SLC35F4: variants seen among roughly 807,000 people sequenced by gnomAD.
SLC35F4 encodes solute carrier family 35 member F4, also known as chromosome 14 open reading frame 36.
SLC35F4 carries 24 observed loss-of-function variants against 44.2 expected under a neutral mutation model. The observed-to-expected ratio is 0.54, with a 90% CI of 0.39 to 0.76. The LOEUF (loss-of-function observed/expected upper bound fraction) is 0.76. Among genes scored for constraint, SLC35F4 ranks in the 30% least tolerant of loss-of-function variants. The pLI is 0.00. For missense variants in SLC35F4, 562 were observed against 586.1 expected (o/e 0.96, Z 0.42); for synonymous variants, 238 against 223.6 (o/e 1.06, Z -0.57).
chr14:57,602,457 T>C lies in SLC35F4; in HGVS notation c.104-8333A>G, dbSNP rs1369569515. On this transcript the variant is annotated intron_variant, in intron 1 of 7. Transcript: ENST00000556826. ...GAAGTTGTTAATCCAAAATGTAGTC[T>C]TGAAGGGGAGCTGGAATGTCTCCTT... The C allele has an allele frequency of 3.3e-5, 5 of 152,194 alleles. No homozygotes were observed. The East Asian group carries it at 9.6e-4, about 29-fold the overall frequency. 9.4% of individuals were successfully genotyped at this position (152,194 alleles called of 1,614,324 possible). A position where few individuals can be genotyped will look rare whatever the true frequency, so the allele number is the denominator to read the frequency against.
chr14:57,671,257 G>A lies in SLC35F4; in HGVS notation c.104-77133C>T, dbSNP rs546640409. 2.7e-4 allele frequency among the ~76,000 whole-genome samples: 41 copies of A among 152,164 alleles called. 1 individual carries two copies. The highest frequency in any genetic ancestry group is 9.9e-4 in the African/African-American group (41 of 41,454). The stretch of plus-strand genomic sequence containing the variant: ...TGCACAGAATGAGAAGCGGTGGGGA[G>A]CTGGGGCAGCTAAGGGAGTGCTGGC... On this transcript the variant is annotated intron_variant, in intron 1 of 7. Coordinates refer to ENST00000556826, the MANE Select transcript of SLC35F4 (RefSeq NM_001306087.2).
At chr14:57,588,928 T>C (rs1159666043) in intron 3 of SLC35F4, among the ~76,000 whole-genome samples, 2 of 152,164 alleles carry the variant, frequency 1.3e-5, no homozygotes, top group Non-Finnish European at 2.9e-5. Context: ...CCTTTCTGAA[T>C]TTGTGTCCTC....
intron 1 of SLC35F4, among the ~76,000 whole-genome samples, chr14:57,850,749 C>T (rs1886486393): frequency 6.6e-6 from 1 of 152,154 alleles, no homozygotes. Context: ...TCTCTGTAGA[C>T]CAACAATCCA....
chr14:57,849,398 G>A (rs1886340988), intron 1 of SLC35F4, among the ~76,000 whole-genome samples: 1 of 152,140 alleles, frequency 6.6e-6, no homozygotes, highest in Non-Finnish European at 1.5e-5. Context: ...TCGACCTCAG[G>A]TGATCCACCT....
chr14:57,613,223 G>A (rs1211448715), intron 1 of SLC35F4, among the ~76,000 whole-genome samples: 2 of 152,170 alleles, frequency 1.3e-5, no homozygotes, highest in Non-Finnish European at 2.9e-5. Context: ...CTGATTAGCA[G>A]GTGCATGGAA....
chr14:57,817,475 C>T (rs1882728718), intron 1 of SLC35F4, among the ~76,000 whole-genome samples: 1 of 152,106 alleles, frequency 6.6e-6, no homozygotes, highest in South Asian at 2.1e-4. Context: ...AGCTACCATG[C>T]TTCCCCTTAT....
At chr14:57,664,609 C>T (rs1025778065) in intron 1 of SLC35F4, among the ~76,000 whole-genome samples, 6 of 152,094 alleles carry the variant, frequency 3.9e-5, no homozygotes, top group South Asian at 2.1e-4. Flanking sequence ...AGGAGTCTCA[C>T]CATGTTGGCT....
At chr14:57,870,622 C>T (rs1481856830), upstream of SLC35F4, among the ~76,000 whole-genome samples, 2 of 152,154 alleles carry the variant, frequency 1.3e-5, no homozygotes, top group Admixed American at 6.5e-5. Flanking sequence ...AAAATGGGCT[C>T]ATACTCTCTA....
intron 1 of SLC35F4, among the ~76,000 whole-genome samples, chr14:57,733,219 C>G (rs1092017): frequency 1.4e-4 from 22 of 151,806 alleles, no homozygotes; most frequent in Non-Finnish European, 2.4e-4. Flanking sequence ...TTGGAAAGTA[C>G]GTACTTTGAA....
chr14:57,885,610 T>TC (rs1888630368), intron 1 of SLC35F4, among the ~76,000 whole-genome samples: 1 of 152,222 alleles, frequency 6.6e-6, no homozygotes. Context: ...TGAATTAAAA[T>TC]TAAATGAAAT....
chr14:57,641,264 C>T (rs1221512801), intron 1 of SLC35F4, among the ~76,000 whole-genome samples: 1 of 151,928 alleles, frequency 6.6e-6, no homozygotes, highest in Admixed American at 6.6e-5. Flanking sequence ...TTAAATGAGC[C>T]TATGACAAAC....
chr14:57,662,870 A>G (rs1384537913), intron 1 of SLC35F4, among the ~76,000 whole-genome samples: 1 of 152,050 alleles, frequency 6.6e-6, no homozygotes, highest in Admixed American at 6.6e-5. Context: ...GCTGGTTGGG[A>G]TTGGCCATTG....
Position 57,877,253 on chromosome 14 carries a change from T to C in SLC35F4, n.282+104660A>G, listed in dbSNP as rs1300421674. On this transcript the variant is annotated intron_variant and non_coding_transcript_variant, in intron 1 of 1. Transcript: ENST00000556568. ...TAGCTCCCATTTGTAAGTAAGAACA[T>C]GCAGCATTTGGTTTTATGTTCCTGT... Among the ~76,000 whole-genome samples the C allele has an allele frequency of 2.0e-5, 3 of 152,190 alleles. 1 individual carries two copies. The highest frequency in any genetic ancestry group is 3.9e-4 in the East Asian group (2 of 5,194).
intron 1 of SLC35F4, among the ~76,000 whole-genome samples, chr14:57,955,113 C>T (rs1210423553): frequency 6.6e-6 from 1 of 152,142 alleles, no homozygotes; most frequent in Non-Finnish European, 1.5e-5. Context: ...CTGGCTTCAT[C>T]CCTGGTATGC....
chr14:57,945,439 ATGTGTGTGTG>A (rs58976756), intron 1 of SLC35F4, among the ~76,000 whole-genome samples: 1,544 of 104,732 alleles, frequency 0.015, 63 homozygotes, highest in Middle Eastern at 0.038. Context: ...AGCAATGATA[ATGTGTGTGTG>A]TGTGTGTGTG....
At chr14:57,589,591 AG>A in intron 2 of SLC35F4, 78 bp from the exon 3 acceptor site, 1 of 1,384,252 alleles carries the variant, frequency 7.2e-7, no homozygotes, top group Non-Finnish European at 9.6e-7. Flanking sequence ...TCCTTAAAAA[AG>A]ATGGATGAAA....
At chr14:57,685,418 G>T (rs780527337) in intron 1 of SLC35F4, among the ~76,000 whole-genome samples, 1 of 152,086 alleles carries the variant, frequency 6.6e-6, no homozygotes, top group Non-Finnish European at 1.5e-5. Flanking sequence ...ATTAAGGAGG[G>T]CCCTAATCCC....
chr14:57,943,703 C>G (rs1437312856), intron 1 of SLC35F4, among the ~76,000 whole-genome samples: 2 of 152,226 alleles, frequency 1.3e-5, no homozygotes, highest in Non-Finnish European at 2.9e-5. Flanking sequence ...ATGGGCCCAG[C>G]TGAACTTCTT....
At chr14:57,630,994 C>A in intron 1 of SLC35F4, 2 of 278,478 alleles carry the variant, frequency 7.2e-6, no homozygotes, top group Non-Finnish European at 1.1e-5. Flanking sequence ...TTGCAACATT[C>A]TTTTATTAAA....
Sources: allele counts gnomAD v4.1 joint callset (sites outside exome capture counted in the v4.1 genomes callset), GRCh38; gene constraint gnomAD v4.1.1; transcripts MANE v1.5; gene names NCBI Gene and HGNC (gene_info 2026-07-23, HGNC 2026-07-21).